The following RASA2 variants were observed in gnomAD, a reference collection of about 807,000 sequenced individuals.
RASA2 encodes RAS p21 protein activator 2.
In RASA2, 155 loss-of-function variants were observed where a neutral mutation model predicts 118.2. That is an observed-to-expected ratio of 1.31 (90% CI 1.15 to 1.50). RASA2 has a LOEUF of 1.50. Among genes scored for constraint, RASA2 ranks in the 40% most tolerant of loss-of-function variants. The pLI is 0.00. For missense variants in RASA2, 1,016 were observed against 1,009.6 expected, an observed-to-expected ratio of 1.01 and a Z score of -0.09; for synonymous variants, 353 against 349.1, an observed-to-expected ratio of 1.01 and a Z score of -0.12.
At chr3:141,609,605 T>G (rs2083605145) in intron 22 of RASA2, 82 bp downstream of exon 22, 1 of 1,107,084 alleles carries the variant, frequency 9.0e-7, no homozygotes, top group African/African-American at 1.6e-5. Flanking sequence ...ATACAAAAGT[T>G]GAAAATACTC....
intron 1 of RASA2, among the ~76,000 whole-genome samples, chr3:141,511,585 G>A (rs1459166057): frequency 4.6e-5 from 7 of 152,288 alleles, no homozygotes; most frequent in East Asian, 1.9e-4. Context: ...AGAAGTGACC[G>A]TTGATTTGGC....
chr3:141,547,608 T>C (rs949306517), intron 5 of RASA2, among the ~76,000 whole-genome samples: 1 of 152,230 alleles, frequency 6.6e-6, no homozygotes, highest in African/African-American at 2.4e-5. Context: ...GTGGAGTCTT[T>C]AGGTTTTTTC....
intron 3 of RASA2, among the ~76,000 whole-genome samples, chr3:141,517,614 G>A (rs564169319): frequency 2.2e-4 from 33 of 152,272 alleles, no homozygotes; most frequent in East Asian, 1.5e-3. Flanking sequence ...TGACATTTTC[G>A]TGGGGACACA....
chr3:141,487,482 CG>C (rs2081592103), intron 1 of RASA2, among the ~76,000 whole-genome samples: 1 of 149,814 alleles, frequency 6.7e-6, no homozygotes, highest in Non-Finnish European at 1.5e-5. Flanking sequence ...GCTGCGCCGG[CG>C]TGAGGGGCTC....
intron 23 of RASA2, among the ~76,000 whole-genome samples, chr3:141,610,396 TTTATATA>T (rs957752385): frequency 1.8e-5 from 2 of 114,222 alleles, no homozygotes; most frequent in African/African-American, 6.5e-5. Context: ...TATATTTATA[TTTATATA>T]TTATATATTT....
At chr3:141,513,227 C>A (rs2081979030) in intron 2 of RASA2, among the ~76,000 whole-genome samples, 2 of 149,438 alleles carry the variant, frequency 1.3e-5, no homozygotes, top group Non-Finnish European at 3.0e-5. Flanking sequence ...AAAAAAATAT[C>A]TTTCTTTTAC....
In RASA2 at chr3:141,568,944, A is replaced by G. The variant is rs561335042; in HGVS notation, c.864-1968A>G. Reference sequence around the variant, plus strand: ...CTGCAGCATAATTTAAAATTATGCTATTTTCAGTGTCCAAATAAGGATGTT... The same window carrying G: ...CTGCAGCATAATTTAAAATTATGCTGTTTTCAGTGTCCAAATAAGGATGTT... On this transcript the variant is annotated intron_variant, in intron 9 of 23. Coordinates refer to ENST00000286364, the MANE Select transcript of RASA2 (RefSeq NM_006506.5). Among the ~76,000 whole-genome samples, 4 of 152,202 alleles carry G rather than the reference A, an allele frequency of 2.6e-5. No homozygotes were observed. In the East Asian group the frequency reaches 7.7e-4, roughly 29 times the overall value.
At chr3:141,514,261 T>C (rs1233326383) in intron 2 of RASA2, among the ~76,000 whole-genome samples, 1 of 152,170 alleles carries the variant, frequency 6.6e-6, no homozygotes, top group African/African-American at 2.4e-5. Flanking sequence ...CTTAAACAGA[T>C]ATTTCAGAAA....
chr3:141,592,382 TGAA>T (rs1449285659), intron 19 of RASA2, among the ~76,000 whole-genome samples: 3 of 152,258 alleles, frequency 2.0e-5, no homozygotes, highest in Non-Finnish European at 4.4e-5. Flanking sequence ...GCTGGAAAAT[TGAA>T]GAAGAGGGTA....
intron 3 of RASA2, among the ~76,000 whole-genome samples, chr3:141,520,737 A>T (rs1030212039): frequency 6.6e-6 from 1 of 152,222 alleles, no homozygotes; most frequent in Non-Finnish European, 1.5e-5. Context: ...GATATTATAT[A>T]TTCTAATTTA....
chr3:141,577,208 T>C (rs1272367937), intron 15 of RASA2, 102 bp downstream of exon 15: 3 of 822,748 alleles, frequency 3.6e-6, no homozygotes, highest in Non-Finnish European at 5.5e-6. Flanking sequence ...TATTTTCTTA[T>C]AACTGATACT....
intron 1 of RASA2, among the ~76,000 whole-genome samples, chr3:141,496,598 A>G (rs1244384939): frequency 2.0e-5 from 3 of 152,368 alleles, no homozygotes; most frequent in Non-Finnish European, 4.4e-5. Flanking sequence ...AGAAATGCAA[A>G]TCAAAACCAC....
At chr3:141,586,983 T>A in intron 19 of RASA2, 1 of 523,476 alleles carries the variant, frequency 1.9e-6, no homozygotes, top group South Asian at 2.0e-5. Context: ...TCCTTCAGTG[T>A]GCTCTGTTTT....
At chr3:141,589,817 G>A (rs1411705665) in intron 19 of RASA2, among the ~76,000 whole-genome samples, 1 of 151,466 alleles carries the variant, frequency 6.6e-6, no homozygotes, top group Non-Finnish European at 1.5e-5. Flanking sequence ...TTCCAGCCTG[G>A]GTAACAGAAT....
rs186298990 is a variant in RASA2 at position 141,573,949 on chromosome 3, T to C, written c.1365T>C (p.Asn455=). ...EGDNVENNKE[N]LRYYVDKLFN... ...TACCTTTTTAAATCCTGCAGGAGAA[T>C]CTGCGCTACTATGTAGACAAGTTAT... The change falls in exon 14 of 24, where the codon AAT becomes AAC. Residue 455 remains asparagine, a synonymous_variant. Coordinates refer to ENST00000286364, the MANE Select transcript of RASA2 (RefSeq NM_006506.5). 1.3e-6 allele frequency: 2 copies of C among 1,579,762 alleles called. No homozygotes were observed. Among genetic ancestry groups the C allele is most frequent in the East Asian group, 2.3e-5 (1 of 43,300 alleles).
At chr3:141,551,621 G>A (rs1207798289) in intron 5 of RASA2, among the ~76,000 whole-genome samples, 1 of 152,164 alleles carries the variant, frequency 6.6e-6, no homozygotes, top group Non-Finnish European at 1.5e-5. Flanking sequence ...CCATTTAGCT[G>A]TAAGCTGGGG....
chr3:141,563,018 A>G (rs560588748), intron 9 of RASA2, among the ~76,000 whole-genome samples: 16 of 152,304 alleles, frequency 1.1e-4, no homozygotes, highest in Admixed American at 2.0e-4. Context: ...TCATTTACAT[A>G]GCATTATGTA....
chr3:141,487,369 T>C (rs1447167629), intron 1 of RASA2, among the ~76,000 whole-genome samples, 153 bp downstream of exon 1: 1 of 108,372 alleles, frequency 9.2e-6, no homozygotes, highest in East Asian at 2.8e-4. Context: ...TGGAAGGGGG[T>C]GTGTTGGGGG....
intron 23 of RASA2, 143 bp from the exon 24 acceptor site, chr3:141,612,140 A>G (rs1165944214): frequency 1.5e-6 from 1 of 662,508 alleles, no homozygotes; most frequent in Non-Finnish European, 2.7e-6. Flanking sequence ...GTGGTCAGTA[A>G]GTACTCATTG....
Sources: gnomAD v4.1 joint callset for allele counts (sites outside exome capture counted in the v4.1 genomes callset) on GRCh38, gnomAD v4.1.1 for gene constraint, MANE v1.5 for transcripts, NCBI Gene and HGNC (gene_info 2026-07-23, HGNC 2026-07-21) for gene names.